Variants in DPP10 observed in about 807,000 individuals in gnomAD.
The protein encoded by DPP10 is inactive dipeptidyl peptidase 10.
DPP10 carries 33 observed loss-of-function variants against 120.9 expected under a neutral mutation model. That is an observed-to-expected ratio of 0.27 (90% CI 0.21 to 0.37). The LOEUF (loss-of-function observed/expected upper bound fraction) is 0.37. Among genes scored for constraint, DPP10 ranks in the 10% least tolerant of loss-of-function variants. DPP10 has a pLI of 1.00. For missense variants in DPP10, 816 were observed against 942.8 expected, an observed-to-expected ratio of 0.87 and a Z score of 1.76; for synonymous variants, 337 against 326.1, an observed-to-expected ratio of 1.03 and a Z score of -0.36.
rs138901356 is a variant in DPP10 at position 114,478,116 on chromosome 2, C to T, written c.60+35278C>T. On this transcript the variant is annotated intron_variant, in intron 1 of 25. Coordinates refer to ENST00000410059, the MANE Select transcript of DPP10 (RefSeq NM_020868.6). ...GCTAATATTACCCTGAAAACAAAAC[C>T]ACACAGACAGTATAAAAAAGCTACG... Among the ~76,000 whole-genome samples, 781 of 151,876 alleles carry T rather than the reference C, an allele frequency of 5.1e-3. 4 individuals carry two copies. The highest frequency in any genetic ancestry group is 0.018 in the African/African-American group (743 of 41,454).
At chr2:115,380,829 T>C (rs531855975) in intron 3 of DPP10, among the ~76,000 whole-genome samples, 2 of 152,184 alleles carry the variant, frequency 1.3e-5, no homozygotes, top group Non-Finnish European at 2.9e-5. Flanking sequence ...TTTGGCTTGA[T>C]ATGAAATTCT....
At chr2:115,658,950 C>T (rs2088652315) in intron 5 of DPP10, among the ~76,000 whole-genome samples, 1 of 151,960 alleles carries the variant, frequency 6.6e-6, no homozygotes, top group African/African-American at 2.4e-5. Context: ...TGAAAGTGTC[C>T]CCCAAAGTTT....
intron 1 of DPP10, among the ~76,000 whole-genome samples, chr2:115,280,516 A>G (rs982409548): frequency 6.6e-6 from 1 of 152,200 alleles, no homozygotes; most frequent in Non-Finnish European, 1.5e-5. Context: ...CATAAGCAAT[A>G]TCATGTTAAG....
At chr2:115,387,008 TGTCAGTATGTATCTTTCTTTTCC>T (rs1161462685) in intron 3 of DPP10, among the ~76,000 whole-genome samples, 1 of 152,142 alleles carries the variant, frequency 6.6e-6, no homozygotes, top group African/African-American at 2.4e-5. Context: ...TCTTAAGATA[TGTCAGTATGTATCTTTCTTTTCC>T]GTTTTGAATG....
chr2:115,502,977 A>G (rs989119380), intron 4 of DPP10, among the ~76,000 whole-genome samples: 1 of 152,042 alleles, frequency 6.6e-6, no homozygotes, highest in Non-Finnish European at 1.5e-5. Flanking sequence ...CACTAGGTTT[A>G]TAAGAGTGAG....
At chr2:115,473,148 A>G (rs543736042) in intron 3 of DPP10, among the ~76,000 whole-genome samples, 2 of 152,210 alleles carry the variant, frequency 1.3e-5, no homozygotes, top group South Asian at 2.1e-4. Flanking sequence ...TAGTAGAAAA[A>G]TGGGATCAGA....
intron 1 of DPP10, among the ~76,000 whole-genome samples, chr2:114,602,582 T>C (rs967007844): frequency 2.6e-5 from 4 of 152,070 alleles, no homozygotes; most frequent in Admixed American, 2.0e-4. Flanking sequence ...GAATTAATCT[T>C]TGTGTCACCA....
At chr2:115,819,975 CAA>C (rs1687644444) in intron 21 of DPP10, among the ~76,000 whole-genome samples, 1 of 152,184 alleles carries the variant, frequency 6.6e-6, no homozygotes, top group Non-Finnish European at 1.5e-5. Flanking sequence ...GCCTGGGCAA[CAA>C]GAGCGAAACT....
chr2:114,766,320 G>A (rs1574137373), intron 1 of DPP10, among the ~76,000 whole-genome samples: 3 of 152,192 alleles, frequency 2.0e-5, no homozygotes, highest in Admixed American at 2.0e-4. Context: ...AGAGACCCTG[G>A]ATTTCTTAGA....
At chr2:115,346,770 C>G (rs1412195688) in intron 3 of DPP10, among the ~76,000 whole-genome samples, 1 of 152,204 alleles carries the variant, frequency 6.6e-6, no homozygotes, top group Non-Finnish European at 1.5e-5. Context: ...ACATATTTCA[C>G]AGGACTGCAT....
intron 1 of DPP10, among the ~76,000 whole-genome samples, chr2:115,042,008 CTTTTT>C (rs5833573): frequency 2.5e-5 from 2 of 80,332 alleles, no homozygotes; most frequent in Non-Finnish European, 4.7e-5. Context: ...TCTATCTTAT[CTTTTT>C]TTTTTTTTTT....
At chr2:114,630,368 A>C (rs958516000) in intron 1 of DPP10, among the ~76,000 whole-genome samples, 3 of 152,172 alleles carry the variant, frequency 2.0e-5, no homozygotes, top group Admixed American at 2.0e-4. Context: ...CCAGTTCAGG[A>C]TAATACTAAT....
At chr2:114,853,265 A>G (rs915872402) in intron 1 of DPP10, among the ~76,000 whole-genome samples, 2 of 152,148 alleles carry the variant, frequency 1.3e-5, no homozygotes, top group Non-Finnish European at 2.9e-5. Flanking sequence ...AAACATATGT[A>G]AACATTCCCT....
At chr2:114,804,110 G>A (rs966599770) in intron 1 of DPP10, among the ~76,000 whole-genome samples, 1 of 152,222 alleles carries the variant, frequency 6.6e-6, no homozygotes, top group Non-Finnish European at 1.5e-5. Flanking sequence ...AGCTTGGGCT[G>A]TAGGGGCTGT....
At chr2:115,387,653 A>T (rs904201165) in intron 3 of DPP10, among the ~76,000 whole-genome samples, 2 of 152,202 alleles carry the variant, frequency 1.3e-5, no homozygotes, top group African/African-American at 4.8e-5. Flanking sequence ...GTTATTGTTT[A>T]TCTGAAATTC....
intron 1 of DPP10, among the ~76,000 whole-genome samples, chr2:114,747,282 A>C (rs1457990452): frequency 2.0e-5 from 3 of 152,200 alleles, no homozygotes; most frequent in Non-Finnish European, 4.4e-5. Flanking sequence ...TTCACTATTA[A>C]AAATGGGACT....
At chr2:114,581,908 G>A (rs1045264173) in intron 1 of DPP10, among the ~76,000 whole-genome samples, 2 of 152,102 alleles carry the variant, frequency 1.3e-5, no homozygotes, top group Non-Finnish European at 2.9e-5. Flanking sequence ...ACAACATACT[G>A]TACCACACCA....
intron 1 of DPP10, among the ~76,000 whole-genome samples, chr2:115,155,786 T>C (rs1405454673): frequency 1.3e-5 from 2 of 152,224 alleles, no homozygotes; most frequent in Non-Finnish European, 2.9e-5. Context: ...GTGGGATTTA[T>C]GGTATTTCAT....
intron 2 of DPP10, among the ~76,000 whole-genome samples, chr2:115,316,803 G>C (rs532103810): frequency 6.6e-6 from 1 of 152,056 alleles, no homozygotes. Flanking sequence ...GAGAAGTCAG[G>C]TTTCCATAAA....
Sources: gnomAD v4.1 joint callset for allele counts (sites outside exome capture counted in the v4.1 genomes callset) on GRCh38, gnomAD v4.1.1 for gene constraint, MANE v1.5 for transcripts, NCBI Gene and HGNC (gene_info 2026-07-23, HGNC 2026-07-21) for gene names.